SLC30A8: variants seen among roughly 807,000 people sequenced by gnomAD.
SLC30A8 encodes solute carrier family 30 member 8, also known as proton-coupled zinc antiporter SLC30A8.
SLC30A8 carries 27 observed loss-of-function variants against 36.9 expected under a neutral mutation model. The ratio of observed to expected loss-of-function variants is 0.73; its 90% CI spans 0.54 to 1.01. The LOEUF (loss-of-function observed/expected upper bound fraction) is 1.01. SLC30A8 is among the 50% of genes least tolerant of loss of function. The pLI is 0.00. For missense variants in SLC30A8, 439 were observed against 452.0 expected, an observed-to-expected ratio of 0.97 and a Z score of 0.26; for synonymous variants, 164 against 172.4, an observed-to-expected ratio of 0.95 and a Z score of 0.38.
At chr8:117,172,506 G>A in intron 7 of SLC30A8, 30 bp from the exon 8 acceptor site, 1 of 1,613,380 alleles carries the variant, frequency 6.2e-7, no homozygotes, top group Non-Finnish European at 8.5e-7. Flanking sequence ...TGCAATCAGT[G>A]CTAATCTCCC....
Position 117,060,270 on chromosome 8 carries a change from G to T in SLC30A8, c.-226+21012G>T, listed in dbSNP as rs1349904631. Among the ~76,000 whole-genome samples, 3 of 152,106 alleles carry T rather than the reference G, an allele frequency of 2.0e-5. No homozygotes were observed. In the East Asian group the frequency reaches 5.8e-4, roughly 29 times the overall value. ...CTGACACAGAATAGGGGTCTGCACA[G>T]AGTTCAGATGCCAAAAGCAAGCAAG... is the stretch of plus-strand genomic sequence containing the variant. On this transcript the variant is annotated intron_variant, in intron 2 of 10. Transcript: ENST00000427715.
intron 2 of SLC30A8, among the ~76,000 whole-genome samples, chr8:117,094,403 G>T (rs887967995): frequency 1.4e-4 from 21 of 152,132 alleles, no homozygotes; most frequent in Admixed American, 1.4e-3. Flanking sequence ...CTGCAAGCAG[G>T]GTGTCCTGAT....
chr8:117,114,925 G>A (rs1218644198), intron 2 of SLC30A8, among the ~76,000 whole-genome samples: 1 of 151,740 alleles, frequency 6.6e-6, no homozygotes, highest in Admixed American at 6.6e-5. Flanking sequence ...CTGTCTTAGA[G>A]ACAGGGTCTT....
chr8:117,074,861 G>A (rs1169724025), intron 2 of SLC30A8, among the ~76,000 whole-genome samples: 1 of 151,854 alleles, frequency 6.6e-6, no homozygotes, highest in Non-Finnish European at 1.5e-5. Context: ...GCTTGATTCT[G>A]TTTTTTTCTC....
chr8:117,010,777 G>C (rs1244514354), intron 1 of SLC30A8, among the ~76,000 whole-genome samples: 1 of 152,208 alleles, frequency 6.6e-6, no homozygotes, highest in Non-Finnish European at 1.5e-5. Flanking sequence ...ATGGTGGAAA[G>C]TGGAAGGCAA....
rs1041883539 is a variant in SLC30A8, at chr8:117,147,056, GC to G, written c.177del (p.Thr60GlnfsTer26). 1 of 1,614,048 alleles carries G rather than the reference GC, an allele frequency of 6.2e-7. No homozygotes were observed. Among genetic ancestry groups the G allele is most frequent in the African/African-American group, 1.3e-5 (1 of 74,936 alleles). On this transcript the variant is annotated frameshift_variant, in exon 2 of 8. Coordinates refer to ENST00000456015, the MANE Select transcript of SLC30A8 (RefSeq NM_173851.3). LOFTEE classifies it high-confidence loss of function. ...GMYHCHSGSKPTEKGANEYAY... is the reference protein window; with the variant it reads ...GMYHCHSGSKXTEKGANEYAY... ...TGTACCACTGCCACAGTGGCTCCAA[GC>G]CCACAGAAAAGGGGGCGAATGAGTA...
At chr8:117,161,649 A>C in intron 4 of SLC30A8, 89 bp from the exon 5 acceptor site, 1 of 1,238,656 alleles carries the variant, frequency 8.1e-7, no homozygotes, top group Non-Finnish European at 1.1e-6. Context: ...CATTTTGGAT[A>C]ATGCATGTTA....
At chr8:116,961,290 G>A (rs1003055193) in intron 1 of SLC30A8, among the ~76,000 whole-genome samples, 2 of 152,050 alleles carry the variant, frequency 1.3e-5, no homozygotes, top group Non-Finnish European at 2.9e-5. Flanking sequence ...TTAGCCGGGC[G>A]TGGTGGCAGG....
intron 2 of SLC30A8, among the ~76,000 whole-genome samples, chr8:117,149,937 C>T (rs963920181): frequency 1.3e-5 from 2 of 152,208 alleles, no homozygotes; most frequent in African/African-American, 4.8e-5. Flanking sequence ...TCACTCCCGC[C>T]AGGACCATGT....
At chr8:117,119,075 A>AC (rs1473081827) in intron 2 of SLC30A8, among the ~76,000 whole-genome samples, 1 of 151,872 alleles carries the variant, frequency 6.6e-6, no homozygotes, top group Non-Finnish European at 1.5e-5. Flanking sequence ...CCTAATTTGA[A>AC]AAGGACAGTC....
chr8:116,997,579 C>T (rs745412130), intron 1 of SLC30A8, among the ~76,000 whole-genome samples: 11 of 151,754 alleles, frequency 7.2e-5, no homozygotes, highest in African/African-American at 2.2e-4. Context: ...AATTTACTTA[C>T]CAAAACCTAA....
intron 2 of SLC30A8, among the ~76,000 whole-genome samples, chr8:117,073,435 T>A (rs1016469800): frequency 2.6e-5 from 4 of 152,040 alleles, no homozygotes; most frequent in African/African-American, 9.7e-5. Context: ...ATTAGATTTA[T>A]TTTTAGTGGA....
At chr8:116,958,841 A>ATTTTTTTTTTT (rs758505118) in intron 1 of SLC30A8, among the ~76,000 whole-genome samples, 1 of 60,010 alleles carries the variant, frequency 1.7e-5, no homozygotes, top group Non-Finnish European at 3.0e-5. Flanking sequence ...TGCTCTTTTC[A>ATTTTTTTTTTT]TTTTTTTTTT....
chr8:117,147,289 A>G (rs745581818), intron 2 of SLC30A8, 136 bp downstream of exon 2: 1 of 708,096 alleles, frequency 1.4e-6, no homozygotes, highest in East Asian at 2.7e-5. Context: ...CTCATTGTAG[A>G]TAAGCTGAAA....
chr8:117,014,259 A>G (rs1816437216), intron 1 of SLC30A8, among the ~76,000 whole-genome samples: 1 of 147,290 alleles, frequency 6.8e-6, no homozygotes, highest in South Asian at 2.2e-4. Flanking sequence ...TTCAAGTGTT[A>G]TCATATTAGC....
chr8:117,073,947 A>G (rs1818412911), intron 2 of SLC30A8, among the ~76,000 whole-genome samples: 2 of 141,208 alleles, frequency 1.4e-5, no homozygotes, highest in East Asian at 4.4e-4. Flanking sequence ...TTATGAATTA[A>G]GGTAGATGGC....
chr8:117,091,526 G>A (rs543885025), intron 2 of SLC30A8, among the ~76,000 whole-genome samples: 1 of 152,116 alleles, frequency 6.6e-6, no homozygotes, highest in Admixed American at 6.6e-5. Context: ...GCAAGCGTAT[G>A]GTAAAACTAA....
chr8:117,082,740 A>C (rs1586481680), intron 2 of SLC30A8, among the ~76,000 whole-genome samples: 2 of 152,216 alleles, frequency 1.3e-5, no homozygotes, highest in South Asian at 2.1e-4. Flanking sequence ...GTGTTCAGTC[A>C]GGACTAGAGA....
chr8:117,087,311 T>C (rs1242921375), intron 2 of SLC30A8, among the ~76,000 whole-genome samples: 1 of 152,166 alleles, frequency 6.6e-6, no homozygotes, highest in Non-Finnish European at 1.5e-5. Context: ...ATGAAGCAGA[T>C]GATAGTTAGG....
Sources: gnomAD v4.1 joint callset for allele counts (sites outside exome capture counted in the v4.1 genomes callset) on GRCh38, gnomAD v4.1.1 for gene constraint, MANE v1.5 for transcripts, NCBI Gene and HGNC (gene_info 2026-07-23, HGNC 2026-07-21) for gene names.